Variants in CAMKMT observed in about 807,000 individuals in gnomAD.
CAMKMT encodes CaM KMT.
CAMKMT carries 53 observed loss-of-function variants against 48.0 expected under a neutral mutation model. The observed-to-expected ratio is 1.10, with a 90% CI of 0.89 to 1.39. The LOEUF is 1.39. Ranked by LOEUF, CAMKMT falls within the 40% of genes most tolerant of loss-of-function variation. The pLI is 0.00. For synonymous variants in CAMKMT, 165 were observed against 152.3 expected (o/e 1.08, Z -0.61); for missense variants, 428 against 402.7 (o/e 1.06, Z -0.54).
intron 3 of CAMKMT, among the ~76,000 whole-genome samples, chr2:44,468,869 G>T (rs1248564909): frequency 6.6e-6 from 1 of 152,170 alleles, no homozygotes; most frequent in East Asian, 1.9e-4. Context: ...GGTGAGCCAT[G>T]ATTGCTCCAT....
At chr2:44,711,029 G>C (rs2104290955) in intron 6 of CAMKMT, among the ~76,000 whole-genome samples, 1 of 152,238 alleles carries the variant, frequency 6.6e-6, no homozygotes, top group East Asian at 1.9e-4. Flanking sequence ...AGACACCCCT[G>C]GTTTAACATT....
At chr2:44,639,060 A>G (rs1481952426) in intron 3 of CAMKMT, among the ~76,000 whole-genome samples, 1 of 152,220 alleles carries the variant, frequency 6.6e-6, no homozygotes, top group Non-Finnish European at 1.5e-5. Context: ...GCTTTTTGAC[A>G]TGGAGAAAAC....
intron 3 of CAMKMT, among the ~76,000 whole-genome samples, chr2:44,510,013 A>C (rs912718889): frequency 6.6e-6 from 1 of 152,220 alleles, no homozygotes; most frequent in African/African-American, 2.4e-5. Flanking sequence ...GACAGTTCTC[A>C]AATACTTTTC....
In CAMKMT at chr2:44,666,612, C is replaced by CTTTTTTTTTTTTTTTTTTT. The variant is rs1293884982; in HGVS notation, c.377-37654_377-37653insTTTTTTTTTTTTTTTTTTT. On this transcript the variant is annotated intron_variant, in intron 3 of 10. Coordinates refer to ENST00000378494, the MANE Select transcript of CAMKMT (RefSeq NM_024766.5). ...TTGATCTCCTTTTGGCTCCTGGAAT[C>CTTTTTTTTTTTTTTTTTTT]TTTTTTTTTTTTTTTTTGAGACAGA... is the stretch of plus-strand genomic sequence containing the variant. Among the ~76,000 whole-genome samples, 70 of 133,968 alleles carry CTTTTTTTTTTTTTTTTTTT rather than the reference C, an allele frequency of 5.2e-4. 2 individuals are homozygous for CTTTTTTTTTTTTTTTTTTT. Among genetic ancestry groups the CTTTTTTTTTTTTTTTTTTT allele is most frequent in the African/African-American group, 1.8e-3 (61 of 34,142 alleles). 87.9% of individuals were successfully genotyped at this position (133,968 alleles called of 152,430 possible). A position where few individuals can be genotyped will look rare whatever the true frequency, so the allele number is the denominator to read the frequency against.
chr2:44,647,732 C>T (rs556305665), intron 3 of CAMKMT, among the ~76,000 whole-genome samples: 30 of 151,552 alleles, frequency 2.0e-4, no homozygotes, highest in African/African-American at 7.0e-4. Context: ...GGTGAAACCC[C>T]GTCTCTACTA....
At chr2:44,558,346 C>T (rs765793693) in intron 3 of CAMKMT, among the ~76,000 whole-genome samples, 2 of 152,094 alleles carry the variant, frequency 1.3e-5, no homozygotes, top group Admixed American at 6.6e-5. Context: ...GGATAATTGT[C>T]GGTTTTCTAA....
chr2:44,609,897 G>A (rs867616600), intron 3 of CAMKMT, among the ~76,000 whole-genome samples: 1 of 152,142 alleles, frequency 6.6e-6, no homozygotes, highest in Non-Finnish European at 1.5e-5. Flanking sequence ...ATGTGCTGGG[G>A]TGGAAAAACA....
At position 44,653,603 on chromosome 2, in the gene CAMKMT, A is replaced by C. The variant is rs1674207942; in HGVS notation, c.377-50680A>C. ...GGATTATAAAGGAATGGAGTTATGC[A>C]GAAGGTATGCAGAGAAGGAGTGGCT... On this transcript the variant is annotated intron_variant, in intron 3 of 10. Coordinates refer to ENST00000378494, the MANE Select transcript of CAMKMT (RefSeq NM_024766.5). This position sits in a 1 kb window ranked among gnomAD's most constrained non-coding sequence, Gnocchi z 5.2. 6.6e-6 allele frequency among the ~76,000 whole-genome samples: 1 copy of C among 152,196 alleles called. No homozygotes were observed. The highest frequency in any genetic ancestry group is 1.5e-5 in the Non-Finnish European group (1 of 68,028).
intron 3 of CAMKMT, among the ~76,000 whole-genome samples, chr2:44,434,129 A>G (rs182751282): frequency 6.6e-6 from 1 of 152,230 alleles, no homozygotes; most frequent in Non-Finnish European, 1.5e-5. Flanking sequence ...TAACAGAAGG[A>G]TGGTAGTCTA....
Position 44,715,020 on chromosome 2 carries a change from C to T in CAMKMT, c.557-267C>T, listed in dbSNP as rs188559693. 2.7e-3 allele frequency among the ~76,000 whole-genome samples: 413 copies of T among 152,062 alleles called. 1 individual carries two copies. Among genetic ancestry groups the T allele is most frequent in the Middle Eastern group, 3.4e-3 (1 of 292 alleles). Reference sequence around the variant, plus strand: ...ACCAGCCTGGCCAACATGGTGAAGCCCATCTCTACTAAAGATACAAAAATT... The same window carrying T: ...ACCAGCCTGGCCAACATGGTGAAGCTCATCTCTACTAAAGATACAAAAATT... On this transcript the variant is annotated intron_variant, in intron 6 of 10. Transcript: ENST00000378494.
chr2:44,389,422 A>C (rs1409603691), intron 2 of CAMKMT, among the ~76,000 whole-genome samples: 1 of 152,230 alleles, frequency 6.6e-6, no homozygotes, highest in Non-Finnish European at 1.5e-5. Context: ...GACAAGTTTT[A>C]AATGACAAAG....
rs1194443943 is a variant in CAMKMT, at chr2:44,370,915, A to G, written c.139-1801A>G. ...AACCTCAAACTCCTATGCTCAAGCA[A>G]TCCTCTTGCCTCAGCTTCCTGAGTA... On this transcript the variant is annotated intron_variant, in intron 1 of 10. Transcript: ENST00000378494. Among the ~76,000 whole-genome samples the G allele has an allele frequency of 3.9e-5, 6 of 152,188 alleles. 1 individual carries two copies. The South Asian group carries it at 6.2e-4, about 16-fold the overall frequency.
intron 3 of CAMKMT, among the ~76,000 whole-genome samples, chr2:44,607,967 C>T (rs1411647532): frequency 2.0e-5 from 3 of 152,074 alleles, no homozygotes; most frequent in African/African-American, 7.2e-5. Flanking sequence ...CACCACCCTT[C>T]TCCCACCACT....
At chr2:44,759,815 C>T (rs1270388520) in intron 9 of CAMKMT, among the ~76,000 whole-genome samples, 1 of 152,164 alleles carries the variant, frequency 6.6e-6, no homozygotes, top group Non-Finnish European at 1.5e-5. Context: ...AATACCAAGA[C>T]ATGAGGTAGA....
intron 3 of CAMKMT, among the ~76,000 whole-genome samples, chr2:44,558,058 CATT>C (rs1668115068): frequency 6.6e-6 from 1 of 151,258 alleles, no homozygotes; most frequent in South Asian, 2.1e-4. Context: ...TTCATTCATT[CATT>C]CATTCATTCA....
intron 3 of CAMKMT, among the ~76,000 whole-genome samples, chr2:44,606,808 A>ACCCC (rs11421579): frequency 7.2e-6 from 1 of 138,434 alleles, no homozygotes; most frequent in African/African-American, 2.7e-5. Flanking sequence ...TCTTAATGTG[A>ACCCC]CCCCCCCCCC....
chr2:44,620,222 A>G (rs1028162524), intron 3 of CAMKMT, among the ~76,000 whole-genome samples: 3 of 152,038 alleles, frequency 2.0e-5, no homozygotes, highest in Non-Finnish European at 4.4e-5. Context: ...TTTTCTAAAC[A>G]CACCTATTTT....
rs546252156 is a variant in CAMKMT, at chr2:44,739,440, A to C, written c.624-4182A>C. Among the ~76,000 whole-genome samples, 5 of 152,368 alleles carry C rather than the reference A, an allele frequency of 3.3e-5. No homozygotes were observed. The South Asian group carries it at 1.0e-3, about 32-fold the overall frequency. On this transcript the variant is annotated intron_variant, in intron 7 of 10. Transcript: ENST00000378494. ...GAGCAACTGGAAAGATGGAATTACC[A>C]ATAACGAGATTTAAAAAAGACTGAA...
At chr2:44,671,684 T>C (rs947372503) in intron 3 of CAMKMT, among the ~76,000 whole-genome samples, 1 of 152,232 alleles carries the variant, frequency 6.6e-6, no homozygotes, top group Non-Finnish European at 1.5e-5. Context: ...AGGGATTTTT[T>C]TGGTGTGAAG....
Sources: allele counts gnomAD v4.1 joint callset (sites outside exome capture counted in the v4.1 genomes callset), GRCh38; gene constraint gnomAD v4.1.1; non-coding constraint Gnocchi (gnomAD v3.1); transcripts MANE v1.5; gene names NCBI Gene and HGNC (gene_info 2026-07-23, HGNC 2026-07-21).